Variants in RAB28 observed in about 807,000 individuals in gnomAD.
RAB28 encodes the protein RAB28, member RAS oncogene family.
In RAB28, 24 loss-of-function variants were observed where a neutral mutation model predicts 31.7. The ratio of observed to expected loss-of-function variants is 0.76; its 90% CI spans 0.55 to 1.06. The LOEUF (loss-of-function observed/expected upper bound fraction) is 1.06, where lower values mean the gene tolerates loss of function less well. Among genes scored for constraint, RAB28 ranks in the 50% least tolerant of loss-of-function variants. RAB28 has a pLI of 0.00. For missense variants in RAB28, 254 were observed against 258.5 expected (o/e 0.98, Z 0.12); for synonymous variants, 100 against 90.4 (o/e 1.11, Z -0.60).
chr4:13,484,180 AG>A lies in RAB28; in HGVS notation c.-31del. ...TCCCGGGAACCAGGCCCGCCCCTCG[AG>A]GTGGGGGGGGAAGGGAAGGATGAAG... On this transcript the variant is annotated 5_prime_UTR_variant, in exon 1 of 7. Coordinates refer to ENST00000330852, the MANE Select transcript of RAB28 (RefSeq NM_001017979.3). The A allele has an allele frequency of 6.6e-7, 1 of 1,513,546 alleles. No homozygotes were observed. The highest frequency in any genetic ancestry group is 9.0e-7 in the Non-Finnish European group (1 of 1,117,014). The allele number at this position is 1,513,546 out of a possible 1,614,324, so 93.8% of individuals were successfully genotyped here.
intron 4 of RAB28, among the ~76,000 whole-genome samples, chr4:13,397,617 A>C (rs1729923732): frequency 6.6e-6 from 1 of 152,132 alleles, no homozygotes; most frequent in Non-Finnish European, 1.5e-5. Flanking sequence ...ATCATAAAGA[A>C]AGGTCACTGT....
At chr4:13,456,764 C>T (rs1452223751) in intron 4 of RAB28, among the ~76,000 whole-genome samples, 2 of 152,206 alleles carry the variant, frequency 1.3e-5, no homozygotes. Context: ...AAATAGTTAA[C>T]GTACTAGTTG....
chr4:13,422,088 A>G (rs935088452), intron 4 of RAB28, among the ~76,000 whole-genome samples: 7 of 152,050 alleles, frequency 4.6e-5, no homozygotes, highest in Non-Finnish European at 1.0e-4. Flanking sequence ...AAAAGTGGGC[A>G]AAGGATATGA....
At chr4:13,369,915 A>G in intron 6 of RAB28, 2 of 1,612,602 alleles carry the variant, frequency 1.2e-6, no homozygotes, top group Non-Finnish European at 1.7e-6. Flanking sequence ...TAGAGGTGGT[A>G]TGTTGATTTT....
intron 4 of RAB28, among the ~76,000 whole-genome samples, chr4:13,408,555 T>G (rs2108907141): frequency 6.6e-6 from 1 of 152,276 alleles, no homozygotes; most frequent in South Asian, 2.1e-4. Flanking sequence ...GAGTCGCACT[T>G]TTTCTATTGC....
chr4:13,450,835 AG>A (rs1407546608), intron 4 of RAB28, among the ~76,000 whole-genome samples: 3 of 151,874 alleles, frequency 2.0e-5, no homozygotes, highest in Non-Finnish European at 4.4e-5. Context: ...GGAAATTCTA[AG>A]TATGATACAA....
At chr4:13,463,625 T>G (rs978055286) in intron 3 of RAB28, among the ~76,000 whole-genome samples, 1 of 151,892 alleles carries the variant, frequency 6.6e-6, no homozygotes, top group African/African-American at 2.4e-5. Context: ...CATTTTTCAG[T>G]TGGTGATTCC....
At chr4:13,377,881 AGAG>A (rs563080846) in intron 5 of RAB28, among the ~76,000 whole-genome samples, 1 of 152,320 alleles carries the variant, frequency 6.6e-6, no homozygotes, top group East Asian at 1.9e-4. Flanking sequence ...TGAGAGAAAA[AGAG>A]GAGTCAAGAA....
chr4:13,418,373 C>A (rs1712919838), intron 4 of RAB28, among the ~76,000 whole-genome samples: 1 of 152,068 alleles, frequency 6.6e-6, no homozygotes, highest in Non-Finnish European at 1.5e-5. Context: ...GCAAGGCAGG[C>A]CAACATTCAA....
At chr4:13,439,889 A>G (rs951324798) in intron 4 of RAB28, among the ~76,000 whole-genome samples, 1 of 152,214 alleles carries the variant, frequency 6.6e-6, no homozygotes, top group African/African-American at 2.4e-5. Context: ...CAATTCCCAA[A>G]GCACTAGCTG....
intron 4 of RAB28, among the ~76,000 whole-genome samples, chr4:13,393,606 T>G (rs1026589350): frequency 6.6e-6 from 1 of 152,070 alleles, no homozygotes; most frequent in Admixed American, 6.6e-5. Flanking sequence ...TTAGAATCTA[T>G]TCAAAAGAAA....
chr4:13,391,909 G>A (rs562712199), intron 4 of RAB28, among the ~76,000 whole-genome samples: 5 of 151,666 alleles, frequency 3.3e-5, no homozygotes, highest in Admixed American at 1.3e-4. Flanking sequence ...CTGTCGGGAG[G>A]TGGGGGGCTG....
intron 5 of RAB28, among the ~76,000 whole-genome samples, chr4:13,379,186 A>C (rs1480421867): frequency 7.3e-6 from 1 of 136,446 alleles, no homozygotes; most frequent in African/African-American, 2.8e-5. Flanking sequence ...AGCCCGGAGG[A>C]CACAGTGAAA....
chr4:13,403,495 G>A (rs947434902), intron 4 of RAB28, among the ~76,000 whole-genome samples: 1 of 152,132 alleles, frequency 6.6e-6, no homozygotes, highest in Admixed American at 6.5e-5. Context: ...ATGTTGCCAA[G>A]TCCCCTTATA....
intron 4 of RAB28, among the ~76,000 whole-genome samples, chr4:13,459,297 C>A (rs766361356): frequency 1.7e-4 from 26 of 152,126 alleles, no homozygotes; most frequent in Non-Finnish European, 3.2e-4. Flanking sequence ...TTGCAGATGG[C>A]CTATCGTGGG....
At position 13,376,602 on chromosome 4, in the gene RAB28, T is replaced by C. The variant is rs972402448; in HGVS notation, c.516A>G (p.Lys172=). 7.5e-6 allele frequency: 12 copies of C among 1,603,298 alleles called. No homozygotes were observed. Among genetic ancestry groups the C allele is most frequent in the Non-Finnish European group, 1.0e-5 (12 of 1,175,736 alleles). The change falls in exon 6 of 7, where the codon AAA becomes AAG. Residue 172 remains lysine (K), a synonymous_variant. Coordinates refer to ENST00000330852, the MANE Select transcript of RAB28 (RefSeq NM_001017979.3). The part of the protein sequence containing the change: ...TGDSVFLCFQ[K]VAAEILGIKL... Reference sequence around the variant, plus strand: ...TGATCCCAAGGATTTCAGCAGCAACTTTCTGAAAGCACAGGAAGACCTACA... The same window carrying C: ...TGATCCCAAGGATTTCAGCAGCAACCTTCTGAAAGCACAGGAAGACCTACA...
chr4:13,424,206 C>T (rs1464369178), intron 4 of RAB28, among the ~76,000 whole-genome samples: 1 of 152,182 alleles, frequency 6.6e-6, no homozygotes, highest in African/African-American at 2.4e-5. Flanking sequence ...GAAAGTACTA[C>T]AAACTGTGTG....
At position 13,368,667 on chromosome 4, in the gene RAB28, CAG is replaced by C. The variant is rs1374290624; in HGVS notation, c.574-19_574-18del. The C allele has an allele frequency of 6.3e-7, 1 of 1,593,404 alleles. No homozygotes were observed. Among genetic ancestry groups the C allele is most frequent in the African/African-American group, 1.3e-5 (1 of 74,230 alleles). ...CACCACCCTCTGTCATAAAAGAAAA[CAG>C]AGTTATTATCAGGATATCAGAACAT... On this transcript the variant is annotated intron_variant, in intron 6 of 6. Transcript: ENST00000330852.
intron 3 of RAB28, among the ~76,000 whole-genome samples, chr4:13,466,265 G>A (rs1432569227): frequency 6.6e-6 from 1 of 151,798 alleles, no homozygotes. Flanking sequence ...AAAATTAACA[G>A]TGTGCAGAGA....
Sources: gnomAD v4.1 joint callset for allele counts (sites outside exome capture counted in the v4.1 genomes callset) on GRCh38, gnomAD v4.1.1 for gene constraint, MANE v1.5 for transcripts, NCBI Gene and HGNC (gene_info 2026-07-23, HGNC 2026-07-21) for gene names.